The following TBCD variants were observed in gnomAD, a reference collection of about 807,000 sequenced individuals.
The protein encoded by TBCD is tubulin folding cofactor D, also known as tubulin-specific chaperone D.
TBCD carries 105 observed loss-of-function variants against 169.3 expected under a neutral mutation model. The observed-to-expected ratio is 0.62, with a 90% confidence interval of 0.53 to 0.73. The LOEUF is 0.73. Among genes scored for constraint, TBCD ranks in the 30% least tolerant of loss-of-function variants. TBCD has a pLI of 0.00. For missense variants in TBCD, 1,444 were observed against 1,600.1 expected (o/e 0.90, Z 1.66); for synonymous variants, 700 against 643.9 (o/e 1.09, Z -1.32).
At position 82,833,592 on chromosome 17, in the gene TBCD, C is replaced by T. The variant is rs567211779; in HGVS notation, c.1318+18658C>T. 2.6e-5 allele frequency among the ~76,000 whole-genome samples: 4 copies of T among 152,306 alleles called. No homozygotes were observed. The highest frequency in any genetic ancestry group is 4.8e-5 in the African/African-American group (2 of 41,564). On this transcript the variant is annotated intron_variant, in intron 13 of 38. Transcript: ENST00000355528. The surrounding 1 kb of genome is among the most constrained non-coding windows in gnomAD (Gnocchi z 4.7). ...TGTGAGACATGCTTTCACGGTCACC[C>T]GGTTCCTGCTGGCCAGGAGGCATGG...
At chr17:82,763,731 ACT>A (rs1436341078) in intron 2 of TBCD, among the ~76,000 whole-genome samples, 1 of 151,278 alleles carries the variant, frequency 6.6e-6, no homozygotes, top group Non-Finnish European at 1.5e-5. Context: ...ACAGAGCAAG[ACT>A]CTGTCTCAAA....
Position 82,833,775 on chromosome 17 carries a change from T to G in TBCD, c.1318+18841T>G, listed in dbSNP as rs2053716604. 6.6e-6 allele frequency among the ~76,000 whole-genome samples: 1 copy of G among 152,112 alleles called. No homozygotes were observed. Among genetic ancestry groups the G allele is most frequent in the Non-Finnish European group, 1.5e-5 (1 of 68,016 alleles). ...TGGCCCTTAACCTTTAGGGAGTGGGTTCAGCCCTCTGGCCACACCCACTCA... is the reference window on the plus strand; with the variant it reads ...TGGCCCTTAACCTTTAGGGAGTGGGGTCAGCCCTCTGGCCACACCCACTCA... On this transcript the variant is annotated intron_variant, in intron 13 of 38. Transcript: ENST00000355528. This position sits in a 1 kb window ranked among gnomAD's most constrained non-coding sequence, Gnocchi z 4.7.
At chr17:82,896,898 C>T (rs889583753) in intron 17 of TBCD, among the ~76,000 whole-genome samples, 7 of 151,692 alleles carry the variant, frequency 4.6e-5, no homozygotes, top group South Asian at 2.1e-4. Context: ...GCTCGGGGTC[C>T]GGGATCTGGG....
chr17:82,848,287 G>C (rs2055323971), intron 13 of TBCD, among the ~76,000 whole-genome samples: 1 of 152,236 alleles, frequency 6.6e-6, no homozygotes, highest in South Asian at 2.1e-4. Flanking sequence ...TGTTTAAACA[G>C]CGTCCTGTCG....
At chr17:82,891,395 C>T (rs2059126158) in intron 16 of TBCD, among the ~76,000 whole-genome samples, 1 of 152,230 alleles carries the variant, frequency 6.6e-6, no homozygotes, top group Non-Finnish European at 1.5e-5. Context: ...GCATCCTGCA[C>T]AGTGACCAGC....
intron 17 of TBCD, among the ~76,000 whole-genome samples, chr17:82,900,191 G>A (rs2059793318): frequency 6.6e-6 from 1 of 152,114 alleles, no homozygotes; most frequent in Non-Finnish European, 1.5e-5. Context: ...TGTAATTCCC[G>A]CCTCGGTCCT....
rs1239790204 is a variant in TBCD, at chr17:82,944,324, G to A, written c.*1861G>A. The A allele has an allele frequency of 6.6e-6, 1 of 152,152 alleles. No homozygotes were observed. The highest frequency in any genetic ancestry group is 1.5e-5 in the Non-Finnish European group (1 of 68,048). 9.4% of individuals were successfully genotyped at this position (152,152 alleles called of 1,614,324 possible). ...GGCACTTGTGCTCACCAGACACCTGGTGGCCTGGAAAGCCCTCTTTCAGCA... is the reference window on the plus strand; with the variant it reads ...GGCACTTGTGCTCACCAGACACCTGATGGCCTGGAAAGCCCTCTTTCAGCA... On this transcript the variant is annotated 3_prime_UTR_variant, in exon 39 of 39. Coordinates refer to ENST00000355528, the MANE Select transcript of TBCD (RefSeq NM_005993.5).
intron 4 of TBCD, 77 bp from the exon 5 acceptor site, chr17:82,768,343 G>T: frequency 6.4e-7 from 1 of 1,567,354 alleles, no homozygotes; most frequent in Non-Finnish European, 8.7e-7. Flanking sequence ...ATGGAGGGCA[G>T]TGACTTTGAG....
At chr17:82,899,295 G>A (rs865983427) in intron 17 of TBCD, among the ~76,000 whole-genome samples, 2 of 150,236 alleles carry the variant, frequency 1.3e-5, no homozygotes, top group Non-Finnish European at 1.5e-5. Context: ...CTCAGTGCGT[G>A]TGTCCTCCGC....
At chr17:82,939,067 G>A (rs926171656) in intron 36 of TBCD, 10 of 481,808 alleles carry the variant, frequency 2.1e-5, no homozygotes, top group South Asian at 6.8e-5. Flanking sequence ...GAGAGCAGGC[G>A]AGATTGCTTC....
intron 1 of TBCD, among the ~76,000 whole-genome samples, chr17:82,752,679 C>T (rs548681533): frequency 7.9e-5 from 12 of 152,148 alleles, no homozygotes; most frequent in African/African-American, 1.7e-4. Flanking sequence ...GTGCAGAAGC[C>T]CTCCGTCCCC....
At chr17:82,932,953 C>T in intron 34 of TBCD, 1 of 563,060 alleles carries the variant, frequency 1.8e-6, no homozygotes, top group Non-Finnish European at 3.2e-6. Context: ...ACTGTAAGTG[C>T]AGTCAGCCCC....
At chr17:82,767,662 G>T (rs746654068) in intron 4 of TBCD, among the ~76,000 whole-genome samples, 2 of 151,994 alleles carry the variant, frequency 1.3e-5, no homozygotes, top group Non-Finnish European at 2.9e-5. Context: ...GCTGGTTTAG[G>T]ACTCTTGACC....
chr17:82,859,574 C>CTCTG, intron 13 of TBCD: 1 of 985,440 alleles, frequency 1.0e-6, no homozygotes, highest in Non-Finnish European at 1.2e-6. Flanking sequence ...ACGGAAGTTG[C>CTCTG]TCTGTGGTTT....
intron 6 of TBCD, among the ~76,000 whole-genome samples, chr17:82,777,404 G>C (rs935699566): frequency 3.9e-5 from 6 of 152,176 alleles, no homozygotes; most frequent in African/African-American, 1.4e-4. Context: ...GGGCCCGGGG[G>C]ACAACTACCA....
Position 82,889,781 on chromosome 17 carries a change from C to CT in TBCD, c.1563+86dup. 1.3e-6 allele frequency: 2 copies of CT among 1,502,870 alleles called. No homozygotes were observed. Among genetic ancestry groups the CT allele is most frequent in the Admixed American group, 1.9e-5 (1 of 52,788 alleles). The allele number at this position is 1,502,870 out of a possible 1,614,324, so 93.1% of individuals were successfully genotyped here. A position where few individuals can be genotyped will look rare whatever the true frequency, so the allele number is the denominator to read the frequency against. ...ATCTTGAGAGCTATAACCCTGGTGT[C>CT]TTCTCGCACTGTGAGATGTGGTGTG... is the stretch of plus-strand genomic sequence containing the variant. On this transcript the variant is annotated intron_variant, in intron 16 of 38. Transcript: ENST00000355528. This position sits in a 1 kb window ranked among gnomAD's most constrained non-coding sequence, Gnocchi z 5.3.
intron 17 of TBCD, among the ~76,000 whole-genome samples, chr17:82,899,017 C>T (rs898858777): frequency 1.3e-5 from 2 of 152,248 alleles, no homozygotes; most frequent in African/African-American, 2.4e-5. Context: ...AGCAGGGCTG[C>T]CCCTCGGGGA....
intron 34 of TBCD, among the ~76,000 whole-genome samples, chr17:82,933,714 A>C (rs1599683908): frequency 6.6e-6 from 1 of 152,044 alleles, no homozygotes; most frequent in South Asian, 2.1e-4. Context: ...TCCCGGGTTC[A>C]AGCAGTTCTC....
chr17:82,813,399 G>A (rs2460466), intron 12 of TBCD, among the ~76,000 whole-genome samples: 85,287 of 151,692 alleles, frequency 0.56, 24,215 homozygotes, highest in South Asian at 0.66. Context: ...ATCTGAGGGC[G>A]GGAACTCGCC....
Sources: gnomAD v4.1 joint callset for allele counts (sites outside exome capture counted in the v4.1 genomes callset) on GRCh38, gnomAD v4.1.1 for gene constraint, Gnocchi (gnomAD v3.1) non-coding constraint, MANE v1.5 for transcripts, NCBI Gene and HGNC (gene_info 2026-07-23, HGNC 2026-07-21) for gene names.